The following VIT variants were observed in gnomAD, a reference collection of about 807,000 sequenced individuals.
VIT encodes the protein vitrin.
In VIT, 99 loss-of-function variants were observed where a neutral mutation model predicts 78.0. That is an observed-to-expected ratio of 1.27 (90% CI 1.08 to 1.50). The LOEUF is 1.50. Ranked by LOEUF, VIT falls within the 40% of genes most tolerant of loss-of-function variation. The pLI, the probability that VIT is intolerant of heterozygous loss-of-function variation, is 0.00. For missense variants in VIT, 1,126 were observed against 875.3 expected, an observed-to-expected ratio of 1.29 and a Z score of -3.61; for synonymous variants, 374 against 334.3, an observed-to-expected ratio of 1.12 and a Z score of -1.29.
chr2:36,787,336 G>A, intron 12 of VIT, 60 bp downstream of exon 12: 1 of 1,564,212 alleles, frequency 6.4e-7, no homozygotes, highest in Non-Finnish European at 8.7e-7. Flanking sequence ...TTAATTTTAT[G>A]CCACGTGCTT....
intron 9 of VIT, among the ~76,000 whole-genome samples, chr2:36,779,419 T>C (rs906328056): frequency 2.0e-5 from 3 of 152,242 alleles, no homozygotes; most frequent in African/African-American, 7.2e-5. Context: ...TCTACATTTT[T>C]ACCCCAGAAA....
intron 4 of VIT, among the ~76,000 whole-genome samples, chr2:36,750,079 C>T (rs1335698421): frequency 2.0e-5 from 3 of 151,870 alleles, no homozygotes. Flanking sequence ...AGTAGTAAAA[C>T]ATTAAAGAAA....
At position 36,729,304 on chromosome 2, in the gene VIT, G is replaced by A. The variant is rs540934581; in HGVS notation, c.53-122G>A. 155 of 768,576 alleles carry A rather than the reference G, an allele frequency of 2.0e-4. No individual in the cohort carries two copies. In the South Asian group the frequency reaches 3.1e-3, roughly 15 times the overall value. The allele number at this position is 768,576 out of a possible 1,614,324, so 47.6% of individuals were successfully genotyped here. ...ATCATTAAGTGATGCATGACTGTAA[G>A]AGGGAAAATTAGTTCTGCCATGGAG... On this transcript the variant is annotated intron_variant, in intron 2 of 15. Transcript: ENST00000379242.
intron 2 of VIT, among the ~76,000 whole-genome samples, chr2:36,722,042 A>T (rs1406897791): frequency 2.6e-5 from 4 of 152,268 alleles, no homozygotes; most frequent in African/African-American, 9.6e-5. Flanking sequence ...ATTGTCCTTA[A>T]GGACGCTGGA....
chr2:36,763,652 C>T (rs979342557), intron 6 of VIT, among the ~76,000 whole-genome samples: 13 of 135,934 alleles, frequency 9.6e-5, no homozygotes, highest in Admixed American at 5.0e-4. Context: ...TGCAATGGCT[C>T]GATCTCGGCT....
intron 1 of VIT, among the ~76,000 whole-genome samples, chr2:36,709,799 G>C (rs190749081): frequency 3.6e-4 from 55 of 152,304 alleles, no homozygotes; most frequent in African/African-American, 1.3e-3. Flanking sequence ...TTACTCAGGA[G>C]AATTGCAGTG....
chr2:36,796,316 G>A (rs1038641227), intron 12 of VIT, among the ~76,000 whole-genome samples: 1 of 152,178 alleles, frequency 6.6e-6, no homozygotes, highest in African/African-American at 2.4e-5. Context: ...TGTAAAACAA[G>A]GTTATATATT....
chr2:36,750,218 GAA>G (rs946634359), intron 4 of VIT, among the ~76,000 whole-genome samples: 10 of 152,142 alleles, frequency 6.6e-5, no homozygotes, highest in African/African-American at 2.4e-4. Context: ...TACTAAAAGG[GAA>G]AAGTTATACA....
intron 4 of VIT, among the ~76,000 whole-genome samples, chr2:36,743,717 G>T (rs999987637): frequency 7.9e-5 from 12 of 152,092 alleles, no homozygotes; most frequent in African/African-American, 2.4e-4. Context: ...ATTCTTGTTT[G>T]CCCTGGCCCC....
rs376007380 is a variant in VIT, at chr2:36,814,142, T to G, written c.1904-41T>G. On this transcript the variant is annotated intron_variant, in intron 15 of 15. Transcript: ENST00000379242. ...AGAGAGAGATTCTTTAGCAGCACCTTTACTTGGGGACATTTGTTCATCTAA... is the reference window on the plus strand; with the variant it reads ...AGAGAGAGATTCTTTAGCAGCACCTGTACTTGGGGACATTTGTTCATCTAA... 124 of 1,596,720 alleles carry G rather than the reference T, an allele frequency of 7.8e-5. No homozygotes were observed. In the African/African-American group the frequency reaches 1.5e-3, roughly 20 times the overall value.
At chr2:36,734,454 A>G (rs1667388063) in intron 3 of VIT, among the ~76,000 whole-genome samples, 1 of 152,118 alleles carries the variant, frequency 6.6e-6, no homozygotes, top group Non-Finnish European at 1.5e-5. Context: ...CTAGTGCCTG[A>G]TGTTTCCCCA....
chr2:36,722,165 G>C (rs1293449117), intron 2 of VIT, among the ~76,000 whole-genome samples: 1 of 152,208 alleles, frequency 6.6e-6, no homozygotes, highest in African/African-American at 2.4e-5. Flanking sequence ...GCTTGCTTTA[G>C]ATATGTTTCA....
intron 6 of VIT, among the ~76,000 whole-genome samples, chr2:36,763,505 GGATCAAATCAAGGGTATTAT>G (rs1207091124): frequency 4.0e-5 from 6 of 150,798 alleles, no homozygotes; most frequent in Non-Finnish European, 7.4e-5. Flanking sequence ...AATTCACCTT[GGATCAAATCAAGGGTATTAT>G]GTTCAGTGAG....
In VIT at chr2:36,759,005, C is replaced by T; in HGVS notation, c.446C>T (p.Ala149Val). ...KPKKGVTYPS[A>V]LTYSSSKSPA... ...AAAAAGGGTGTAACCTACCCATCAGCTCTTACATACTCATCATCGAAAAGT... is the reference window on the plus strand; with the variant it reads ...AAAAAGGGTGTAACCTACCCATCAGTTCTTACATACTCATCATCGAAAAGT... The change falls in exon 6 of 16, where the codon GCT becomes GTT. Residue 149 changes from alanine (A) to valine (V), a missense_variant. Transcript: ENST00000379242. The T allele has an allele frequency of 1.9e-6, 3 of 1,614,086 alleles. No individual in the cohort carries two copies. The highest frequency in any genetic ancestry group is 1.1e-5 in the South Asian group (1 of 91,082).
chr2:36,813,700 T>A (rs900643729), intron 15 of VIT, among the ~76,000 whole-genome samples: 4 of 152,184 alleles, frequency 2.6e-5, no homozygotes, highest in African/African-American at 9.7e-5. Context: ...TGTTTTAGTT[T>A]AAAAGATCTT....
At chr2:36,798,857 T>C (rs1045419020) in intron 12 of VIT, among the ~76,000 whole-genome samples, 9 of 152,206 alleles carry the variant, frequency 5.9e-5, no homozygotes, top group Admixed American at 3.3e-4. Context: ...TCCTCCACTG[T>C]GTGACTCCTC....
chr2:36,755,007 T>C lies in VIT; in HGVS notation c.362T>C (p.Val121Ala), dbSNP rs1335113363. The C allele has an allele frequency of 6.2e-7, 1 of 1,614,198 alleles. No homozygotes were observed. Among genetic ancestry groups the C allele is most frequent in the East Asian group, 2.2e-5 (1 of 44,880 alleles). Reference protein sequence around the residue: ...SGYKGSYSNGVQSLSLPRWRE... With the variant: ...SGYKGSYSNGAQSLSLPRWRE... The stretch of plus-strand genomic sequence containing the variant: ...TACAAAGGGAGTTATTCCAACGGTG[T>C]CCAATCGTTATCCCTACCACGATGG... The change falls in exon 5 of 16, where the codon GTC becomes GCC. Residue 121 changes from valine to alanine, a missense_variant. Physicochemically the swap from Val to Ala is moderately conservative, Grantham distance 64. Coordinates refer to ENST00000379242, the MANE Select transcript of VIT (RefSeq NM_053276.4).
Position 36,809,115 on chromosome 2 carries a change from C to T in VIT, c.1903+130C>T, listed in dbSNP as rs566894230. The stretch of plus-strand genomic sequence containing the variant: ...GCGACTTAATAAAAATGTTCAAAGC[C>T]GCAGGGAGGGCATTAGGGGTAGAAA... On this transcript the variant is annotated intron_variant, in intron 15 of 15. Transcript: ENST00000379242. The T allele has an allele frequency of 2.6e-5, 34 of 1,283,346 alleles. No individual in the cohort carries two copies. In the East Asian group the frequency reaches 5.1e-4, roughly 19 times the overall value. 79.5% of individuals were successfully genotyped at this position (1,283,346 alleles called of 1,614,324 possible). A position where few individuals can be genotyped will look rare whatever the true frequency, so the allele number is the denominator to read the frequency against.
At chr2:36,803,353 C>T (rs4670616) in intron 13 of VIT, among the ~76,000 whole-genome samples, 100,268 of 152,116 alleles carry the variant, frequency 0.66, 33,899 homozygotes, top group East Asian at 0.82. Flanking sequence ...GCAAGGGAGT[C>T]TGGAAAATGT....
Sources: allele counts gnomAD v4.1 joint callset (sites outside exome capture counted in the v4.1 genomes callset), GRCh38; gene constraint gnomAD v4.1.1; transcripts MANE v1.5; gene names NCBI Gene and HGNC (gene_info 2026-07-23, HGNC 2026-07-21).